The following NEK5 variants were observed in gnomAD, a reference collection of about 807,000 sequenced individuals.
NEK5 encodes serine/threonine-protein kinase Nek5.
NEK5 carries 88 observed loss-of-function variants against 109.2 expected under a neutral mutation model. The ratio of observed to expected loss-of-function variants is 0.81; its 90% CI spans 0.68 to 0.96. The LOEUF is 0.96. Ranked by LOEUF, NEK5 falls within the 40% of genes least tolerant of loss-of-function variation. The probability of loss-of-function intolerance (pLI) is 0.00; values close to 1 mark genes in which losing one functional copy is unlikely to be tolerated. For synonymous variants in NEK5, 283 were observed against 299.9 expected (o/e 0.94, Z 0.58); for missense variants, 834 against 920.7 (o/e 0.91, Z 1.22).
intron 11 of NEK5, among the ~76,000 whole-genome samples, chr13:52,100,711 A>T (rs75410167): frequency 6.7e-6 from 1 of 149,196 alleles, no homozygotes; most frequent in Non-Finnish European, 1.5e-5. Flanking sequence ...CCATCTCAAT[A>T]AAAAAAAAAT....
intron 23 of NEK5, among the ~76,000 whole-genome samples, chr13:52,041,601 G>A (rs1429273554): frequency 6.6e-6 from 1 of 151,712 alleles, no homozygotes; most frequent in African/African-American, 2.4e-5. Context: ...GGTGGCACAA[G>A]CCTGTAATCC....
chr13:52,099,669 A>AAAAC lies in NEK5; in HGVS notation c.1026+70_1026+73dup, dbSNP rs375969049. 3.8e-4 allele frequency: 574 copies of AAAAC among 1,516,522 alleles called. No homozygotes were observed. In the African/African-American group the frequency reaches 6.1e-3, roughly 16 times the overall value. 93.9% of individuals were successfully genotyped at this position (1,516,522 alleles called of 1,614,324 possible). A position where few individuals can be genotyped will look rare whatever the true frequency, so the allele number is the denominator to read the frequency against. On this transcript the variant is annotated intron_variant, in intron 12 of 23. Transcript: ENST00000684899. Reference sequence around the variant, plus strand: ...TGGCGACAGAGCGAGACTCCGTCTCAAAACAAACAAACAAACAAACAAAAA... The same window carrying AAAAC: ...TGGCGACAGAGCGAGACTCCGTCTCAAAACAAACAAACAAACAAACAAACAAAAA...
At chr13:52,113,445 G>A (rs573381170) in intron 4 of NEK5, among the ~76,000 whole-genome samples, 1 of 152,172 alleles carries the variant, frequency 6.6e-6, no homozygotes, top group African/African-American at 2.4e-5. Context: ...TGAATATTTT[G>A]GAGGACTCAG....
At chr13:52,116,673 T>C (rs746396951) in intron 4 of NEK5, among the ~76,000 whole-genome samples, 17 of 152,216 alleles carry the variant, frequency 1.1e-4, no homozygotes, top group Non-Finnish European at 2.1e-4. Context: ...ATAGGTGTTG[T>C]TGTTAAGCCA....
At chr13:52,050,631 T>G (rs1247276645) in intron 22 of NEK5, among the ~76,000 whole-genome samples, 77 of 139,828 alleles carry the variant, frequency 5.5e-4, no homozygotes, top group Non-Finnish European at 9.7e-4. Flanking sequence ...TTTTTTGCAG[T>G]TTTTTTTTTT....
chr13:52,060,225 G>A (rs1275289207), intron 22 of NEK5, among the ~76,000 whole-genome samples: 4 of 151,936 alleles, frequency 2.6e-5, no homozygotes, highest in Non-Finnish European at 4.4e-5. Context: ...AAAATGTCCT[G>A]TTCCACATAA....
rs2140868282 is a variant in NEK5 at position 52,036,914 on chromosome 13, A to T, written c.*34T>A. ...CCCAAATAAATACTATAGGTAATAGACACTAACTTATTACTTAAGAAAAAG... is the reference window on the plus strand; with the variant it reads ...CCCAAATAAATACTATAGGTAATAGTCACTAACTTATTACTTAAGAAAAAG... On this transcript the variant is annotated 3_prime_UTR_variant, in exon 24 of 24. Coordinates refer to ENST00000684899, the MANE Select transcript of NEK5 (RefSeq NM_001365552.1). The T allele has an allele frequency of 1.1e-6, 1 of 938,674 alleles. No homozygotes were observed. The highest frequency in any genetic ancestry group is 4.9e-5 in the South Asian group (1 of 20,286). 58.1% of individuals were successfully genotyped at this position (938,674 alleles called of 1,614,324 possible). A position where few individuals can be genotyped will look rare whatever the true frequency, so the allele number is the denominator to read the frequency against.
chr13:52,110,740 T>C (rs777458840), intron 5 of NEK5, among the ~76,000 whole-genome samples, 163 bp from the exon 6 acceptor site: 1 of 152,126 alleles, frequency 6.6e-6, no homozygotes, highest in Non-Finnish European at 1.5e-5. Flanking sequence ...GTACACTTTA[T>C]CATATTATTA....
In NEK5 at chr13:52,087,453, C is replaced by A. The variant is rs770857581; in HGVS notation, c.1277G>T (p.Gly426Val). ...TGGCTCGGCAGAAGATGGACGAAGA[C>A]CCTATTTATTGAATGAAATAATTTA... ...QYKLKVEKQL[G>V]LRPSSAEPNY... The change falls in exon 15 of 24, where the codon GGT (glycine) becomes GTT (valine). Residue 426 changes from glycine (G) to valine (V), a missense_variant and splice_region_variant. By Grantham distance (109) the Gly-to-Val change is moderately radical. Around this residue, in one of 2 missense-constraint regions of NEK5, gnomAD observed 777 missense variants for 824.7 expected, o/e 0.94. Transcript: ENST00000684899. 1.3e-6 allele frequency: 2 copies of A among 1,518,766 alleles called. No homozygotes were observed. The highest frequency in any genetic ancestry group is 1.8e-6 in the Non-Finnish European group (2 of 1,100,446). 94.1% of individuals were successfully genotyped at this position (1,518,766 alleles called of 1,614,324 possible).
At chr13:52,123,153 T>C (rs1956002411) in intron 3 of NEK5, among the ~76,000 whole-genome samples, 1 of 152,052 alleles carries the variant, frequency 6.6e-6, no homozygotes, top group South Asian at 2.1e-4. Flanking sequence ...TAAATTTCTC[T>C]AGATAAGAAG....
At chr13:52,040,669 A>T (rs1954405604) in intron 23 of NEK5, among the ~76,000 whole-genome samples, 1 of 152,130 alleles carries the variant, frequency 6.6e-6, no homozygotes, top group African/African-American at 2.4e-5. Context: ...GCAATCTCTC[A>T]TAGTGGATTC....
intron 17 of NEK5, among the ~76,000 whole-genome samples, chr13:52,079,697 A>C (rs1954940651): frequency 6.6e-6 from 1 of 152,262 alleles, no homozygotes; most frequent in Admixed American, 6.5e-5. Flanking sequence ...AAGTGCCGAG[A>C]TTGCAGCCTC....
At chr13:52,105,681 T>C (rs1034627834) in intron 8 of NEK5, among the ~76,000 whole-genome samples, 3 of 152,086 alleles carry the variant, frequency 2.0e-5, no homozygotes, top group African/African-American at 4.8e-5. Flanking sequence ...CCCCCAGGGC[T>C]CAGGCAGTAC....
rs1197103126 is a variant in NEK5 at position 52,093,206 on chromosome 13, A to AG, written c.1055dup (p.Ala353CysfsTer7). 1.9e-6 allele frequency: 3 copies of AG among 1,613,288 alleles called. No individual in the cohort carries two copies. The East Asian group carries it at 6.7e-5, about 36-fold the overall frequency. On this transcript the variant is annotated frameshift_variant, in exon 13 of 24. Transcript: ENST00000684899. LOFTEE classifies it high-confidence loss of function. ...AATAATCATAATGTCCACAGACAGC[A>AG]GCAATTTTGGGTCTTTCTATCATTT...
chr13:52,037,730 T>C (rs987153911), intron 23 of NEK5, among the ~76,000 whole-genome samples: 1 of 152,154 alleles, frequency 6.6e-6, no homozygotes, highest in Admixed American at 6.5e-5. Flanking sequence ...GAGACCATCC[T>C]GGCTAACACG....
Position 52,104,558 on chromosome 13 carries a change from GAAGAT to G in NEK5, c.555-11_555-7del, listed in dbSNP as rs774444097. 1.9e-6 allele frequency: 3 copies of G among 1,590,500 alleles called. No homozygotes were observed. Among genetic ancestry groups the G allele is most frequent in the Non-Finnish European group, 1.7e-6 (2 of 1,158,924 alleles). On this transcript the variant is annotated splice_polypyrimidine_tract_variant and splice_region_variant and intron_variant, in intron 8 of 23. Coordinates refer to ENST00000684899, the MANE Select transcript of NEK5 (RefSeq NM_001365552.1). ...AGCCAAGAGACCAAATATCCCTAAAGAAGATAAGAGTTTACATGCCAAGAAAATAT... is the reference window on the plus strand; with the variant it reads ...AGCCAAGAGACCAAATATCCCTAAAGAAGAGTTTACATGCCAAGAAAATAT...
At chr13:52,095,763 G>C (rs1187731531) in intron 12 of NEK5, among the ~76,000 whole-genome samples, 1 of 152,174 alleles carries the variant, frequency 6.6e-6, no homozygotes, top group Non-Finnish European at 1.5e-5. Flanking sequence ...GTGCATACCG[G>C]TAGTATAGCT....
Position 52,072,068 on chromosome 13 carries a change from T to C in NEK5, c.1725A>G (p.Ala575=). The C allele has an allele frequency of 6.2e-7, 1 of 1,608,426 alleles. No homozygotes were observed. Among genetic ancestry groups the C allele is most frequent in the African/African-American group, 1.3e-5 (1 of 74,818 alleles). Residue 575 remains alanine, a splice_region_variant and synonymous_variant, in exon 20 of 24, where the codon GCA becomes GCG. Coordinates refer to ENST00000684899, the MANE Select transcript of NEK5 (RefSeq NM_001365552.1). The part of the protein sequence containing the change: ...SDENILQEEE[A]MDIPNETLTF... ...TCAAAGTTTCATTTGGTATATCCAT[T>C]GCCTAAATCAATTCCACAGTGTTTC... is the stretch of plus-strand genomic sequence containing the variant.
chr13:52,117,552 TG>T (rs1254012407), intron 4 of NEK5, among the ~76,000 whole-genome samples: 2 of 152,212 alleles, frequency 1.3e-5, no homozygotes. Context: ...AGTGGTAAAC[TG>T]TCCTCAAAAA....
Sources: allele counts gnomAD v4.1 joint callset (sites outside exome capture counted in the v4.1 genomes callset), GRCh38; gene constraint gnomAD v4.1.1; regional missense constraint gnomAD v4.1.1; transcripts MANE v1.5; gene names NCBI Gene and HGNC (gene_info 2026-07-23, HGNC 2026-07-21).